SBF2: variants seen among roughly 807,000 people sequenced by gnomAD.
SBF2 encodes the protein SET binding factor 2, also known as myotubularin-related protein 13.
A neutral mutation model predicts 225.2 loss-of-function variants in SBF2; 112 were observed. That is an observed-to-expected ratio of 0.50 (90% CI 0.43 to 0.58). The LOEUF is 0.58. Ranked by LOEUF, SBF2 falls within the 20% of genes least tolerant of loss-of-function variation. The probability of loss-of-function intolerance (pLI) is 0.00; values close to 1 mark genes in which losing one functional copy is unlikely to be tolerated. For synonymous variants in SBF2, 763 were observed against 773.3 expected (o/e 0.99, Z 0.22); for missense variants, 1,996 against 2,206.2 (o/e 0.90, Z 1.91).
intron 1 of SBF2, among the ~76,000 whole-genome samples, chr11:10,292,722 G>A (rs1174288191): frequency 6.6e-6 from 1 of 151,406 alleles, no homozygotes; most frequent in Non-Finnish European, 1.5e-5. Context: ...GGGAGGGGGG[G>A]AGGCGGAACA....
intron 28 of SBF2, chr11:9,828,245 C>A (rs1455732791): frequency 1.6e-6 from 2 of 1,284,904 alleles, no homozygotes; most frequent in Non-Finnish European, 2.0e-6. Flanking sequence ...AAAAGAAGAA[C>A]AAAAACCATG....
rs372162254 is a variant in SBF2, at chr11:9,780,405, T to A, written c.*13A>T. ...AGTTCTTCTGTTTCTTCTGCGTGGG[T>A]TGACCATGGGCATCAGGCATCAGAG... On this transcript the variant is annotated 3_prime_UTR_variant, in exon 40 of 40. Coordinates refer to ENST00000256190, the MANE Select transcript of SBF2 (RefSeq NM_030962.4). The A allele has an allele frequency of 5.0e-6, 8 of 1,608,018 alleles. No individual in the cohort carries two copies. The highest frequency in any genetic ancestry group is 6.8e-6 in the Non-Finnish European group (8 of 1,174,666).
chr11:10,081,352 G>C (rs1189125952), intron 2 of SBF2, among the ~76,000 whole-genome samples: 1 of 151,936 alleles, frequency 6.6e-6, no homozygotes, highest in African/African-American at 2.4e-5. Context: ...AATTAAGGCA[G>C]AAATTTACAA....
intron 2 of SBF2, among the ~76,000 whole-genome samples, chr11:10,130,082 G>A (rs114780145): frequency 0.076 from 11,536 of 152,072 alleles, 623 homozygotes; most frequent in East Asian, 0.28. Context: ...AATACACCTC[G>A]CCAGGCGCAG....
intron 17 of SBF2, among the ~76,000 whole-genome samples, chr11:9,875,199 A>G (rs1859118070): frequency 6.6e-6 from 1 of 152,208 alleles, no homozygotes. Context: ...TATGCCTAGA[A>G]TTCTAGAAAA....
chr11:10,020,507 C>A (rs956027278), intron 6 of SBF2, among the ~76,000 whole-genome samples: 1 of 151,994 alleles, frequency 6.6e-6, no homozygotes, highest in South Asian at 2.1e-4. Flanking sequence ...TCAAGTTGCC[C>A]GCTTGGCCCA....
At chr11:10,133,017 A>T (rs1223845336) in intron 2 of SBF2, among the ~76,000 whole-genome samples, 1 of 148,888 alleles carries the variant, frequency 6.7e-6, no homozygotes, top group Non-Finnish European at 1.5e-5. Flanking sequence ...GTGTGTTTAC[A>T]AACCTTGAGC....
intron 28 of SBF2, among the ~76,000 whole-genome samples, chr11:9,822,129 C>T (rs1854787581): frequency 6.6e-6 from 1 of 152,076 alleles, no homozygotes; most frequent in Admixed American, 6.6e-5. Flanking sequence ...TAATTTATTC[C>T]TCATAACTAC....
chr11:9,853,946 G>A (rs1469935682), intron 19 of SBF2, among the ~76,000 whole-genome samples: 2 of 152,104 alleles, frequency 1.3e-5, no homozygotes, highest in Non-Finnish European at 2.9e-5. Flanking sequence ...AAATTTGTTT[G>A]GACCCAGATT....
chr11:10,198,606 A>G (rs1957463397), intron 1 of SBF2, among the ~76,000 whole-genome samples: 1 of 152,224 alleles, frequency 6.6e-6, no homozygotes, highest in African/African-American at 2.4e-5. Flanking sequence ...TGTTCTTTGA[A>G]GCCAAGCATT....
At chr11:10,173,290 T>A (rs899829140) in intron 2 of SBF2, among the ~76,000 whole-genome samples, 1 of 151,992 alleles carries the variant, frequency 6.6e-6, no homozygotes, top group Non-Finnish European at 1.5e-5. Context: ...TGGGCACAGG[T>A]CAGTGGGTGC....
At chr11:10,173,041 T>C (rs566014768) in intron 2 of SBF2, among the ~76,000 whole-genome samples, 10 of 152,360 alleles carry the variant, frequency 6.6e-5, no homozygotes, top group South Asian at 4.1e-4. Context: ...CATGTGTTTG[T>C]ATAGTTTCCA....
intron 2 of SBF2, among the ~76,000 whole-genome samples, chr11:10,082,832 A>G (rs1273318334): frequency 1.3e-5 from 2 of 152,172 alleles, no homozygotes; most frequent in Non-Finnish European, 2.9e-5. Context: ...GGACAAGATA[A>G]GGATGCTCGC....
chr11:10,001,474 G>A (rs1171535229), intron 7 of SBF2, among the ~76,000 whole-genome samples: 1 of 151,774 alleles, frequency 6.6e-6, no homozygotes, highest in Admixed American at 6.6e-5. Context: ...AAAAGGGGGG[G>A]GCCAATAATT....
intron 28 of SBF2, chr11:9,828,713 C>A (rs190437632): frequency 7.1e-6 from 6 of 843,040 alleles, no homozygotes. Context: ...TCATAATAGG[C>A]TGCAGATATT....
intron 16 of SBF2, among the ~76,000 whole-genome samples, chr11:9,940,779 A>G (rs1431002975): frequency 2.0e-5 from 3 of 152,226 alleles, no homozygotes; most frequent in South Asian, 2.1e-4. Context: ...CAGCCCAAGA[A>G]GTAAAAAATA....
intron 6 of SBF2, chr11:10,016,529 C>A (rs1275044947): frequency 1.3e-5 from 2 of 152,022 alleles, no homozygotes; most frequent in African/African-American, 2.4e-5. Context: ...CTCTGTCGCC[C>A]AGTCTGGAGT....
At chr11:10,088,842 AAC>A (rs1433701803) in intron 2 of SBF2, among the ~76,000 whole-genome samples, 8 of 152,366 alleles carry the variant, frequency 5.3e-5, no homozygotes, top group Non-Finnish European at 1.2e-4. Flanking sequence ...AATAATGAGA[AAC>A]ACCAAAAAGT....
intron 1 of SBF2, among the ~76,000 whole-genome samples, chr11:10,196,191 G>A (rs981582955): frequency 6.6e-6 from 1 of 152,132 alleles, no homozygotes; most frequent in African/African-American, 2.4e-5. Flanking sequence ...CTGGCATATA[G>A]TCTATACTGA....
Sources: gnomAD v4.1 joint callset for allele counts (sites outside exome capture counted in the v4.1 genomes callset) on GRCh38, gnomAD v4.1.1 for gene constraint, MANE v1.5 for transcripts, NCBI Gene and HGNC (gene_info 2026-07-23, HGNC 2026-07-21) for gene names.